Variants in TPPP observed in about 807,000 individuals in gnomAD.
The protein encoded by TPPP is tubulin polymerization-promoting protein.
TPPP carries 6 observed loss-of-function variants against 15.5 expected under a neutral mutation model. The observed-to-expected ratio is 0.39, with a 90% CI of 0.21 to 0.77. The LOEUF is 0.77. Ranked by LOEUF, TPPP falls within the 30% of genes least tolerant of loss-of-function variation. TPPP has a pLI of 0.42. For synonymous variants in TPPP, 146 were observed against 133.9 expected, an observed-to-expected ratio of 1.09 and a Z score of -0.63; for missense variants, 269 against 307.2, an observed-to-expected ratio of 0.88 and a Z score of 0.93.
intron 1 of TPPP, among the ~76,000 whole-genome samples, chr5:693,031 G>C (rs1306530794): frequency 6.7e-6 from 1 of 150,020 alleles, no homozygotes; most frequent in African/African-American, 2.4e-5. Flanking sequence ...CGCGGCCGAC[G>C]GTGACCCCCG....
the TPPP span, among the ~76,000 whole-genome samples, chr5:699,327 A>C: frequency 6.6e-6 from 1 of 152,070 alleles, no homozygotes; most frequent in Non-Finnish European, 1.5e-5. Context: ...ACTCAGAAAT[A>C]AAGACACAAA....
chr5:671,606 T>C (rs1247057343), intron 2 of TPPP, among the ~76,000 whole-genome samples: 1 of 152,150 alleles, frequency 6.6e-6, no homozygotes, highest in African/African-American at 2.4e-5. Flanking sequence ...TGGGGATTGC[T>C]GGTGCTGCCC....
Position 666,051 on chromosome 5 carries a change from G to A in TPPP, c.384C>T (p.Phe128=). The A allele has an allele frequency of 6.2e-7, 1 of 1,610,996 alleles. No homozygotes were observed. Among genetic ancestry groups the A allele is most frequent in the South Asian group, 1.1e-5 (1 of 91,044 alleles). The change falls in exon 3 of 4, where the codon TTC becomes TTT. Residue 128 remains phenylalanine, a synonymous_variant. Transcript: ENST00000360578. ...EALEELAKKR[F]KDKSSEEAVR... ...CGGCCTCCTCGCTGCTCTTGTCTTT[G>A]AATCGCTTCTTGGCGAGCTCCTCCA...
chr5:669,603 C>T (rs985129839), intron 2 of TPPP, among the ~76,000 whole-genome samples: 26 of 152,156 alleles, frequency 1.7e-4, no homozygotes, highest in Non-Finnish European at 3.2e-4. Flanking sequence ...TGCTGAGGCA[C>T]GCAGCCCTTT....
intron 2 of TPPP, chr5:676,736 G>C (rs1561088147): frequency 6.6e-6 from 1 of 152,276 alleles, no homozygotes; most frequent in Non-Finnish European, 1.5e-5. Flanking sequence ...CATTCATCCA[G>C]GAGAAAACAG....
intron 1 of TPPP, among the ~76,000 whole-genome samples, chr5:686,273 G>C (rs1432174593): frequency 6.6e-6 from 1 of 152,242 alleles, no homozygotes; most frequent in Non-Finnish European, 1.5e-5. Context: ...TCCATTAAAG[G>C]CACCTTCTGT....
At chr5:691,622 A>AC (rs1384641982) in intron 1 of TPPP, among the ~76,000 whole-genome samples, 7 of 14,018 alleles carry the variant, frequency 5.0e-4, no homozygotes, top group African/African-American at 2.5e-3. Flanking sequence ...CAGCCCCCAA[A>AC]CCCCATCAAA....
chr5:672,216 G>A (rs368251871), intron 2 of TPPP, among the ~76,000 whole-genome samples: 2 of 152,150 alleles, frequency 1.3e-5, no homozygotes, highest in African/African-American at 2.4e-5. Context: ...TGGCCGGGGG[G>A]GTGTACCAGG....
intron 1 of TPPP, among the ~76,000 whole-genome samples, chr5:685,059 T>G (rs1740731314): frequency 6.6e-6 from 1 of 151,882 alleles, no homozygotes; most frequent in South Asian, 2.1e-4. Flanking sequence ...TCCTGAGAGG[T>G]CACCATCCTG....
rs1184884844 is a variant in TPPP, at chr5:661,943, C to T, written c.*3159G>A. 1 of 152,390 alleles carries T rather than the reference C, an allele frequency of 6.6e-6. No individual in the cohort carries two copies. Among genetic ancestry groups the T allele is most frequent in the Non-Finnish European group, 1.5e-5 (1 of 68,080 alleles). The allele number at this position is 152,390 out of a possible 1,614,324, so 9.4% of individuals were successfully genotyped here. On this transcript the variant is annotated 3_prime_UTR_variant, in exon 4 of 4. Transcript: ENST00000360578. ...TGCCTCTAACTCGTGGGCACCAACCCTGGAAGTGTGGAGGGAGAGTGGGGG... is the reference window on the plus strand; with the variant it reads ...TGCCTCTAACTCGTGGGCACCAACCTTGGAAGTGTGGAGGGAGAGTGGGGG...
chr5:699,920 G>A, the TPPP span, among the ~76,000 whole-genome samples: 7 of 151,670 alleles, frequency 4.6e-5, no homozygotes, highest in Non-Finnish European at 7.4e-5. Flanking sequence ...AGTCAGAATG[G>A]CTATTATTAA....
At chr5:684,144 G>A (rs373293142) in intron 1 of TPPP, among the ~76,000 whole-genome samples, 10 of 152,308 alleles carry the variant, frequency 6.6e-5, no homozygotes, top group South Asian at 4.1e-4. Flanking sequence ...ATGTCCCACG[G>A]CCACAGTTTC....
chr5:682,322 T>C (rs576365560), intron 1 of TPPP, among the ~76,000 whole-genome samples: 10 of 128,140 alleles, frequency 7.8e-5, no homozygotes, highest in African/African-American at 3.4e-4. Context: ...TGTCAGTCAC[T>C]AGGGCCGGGG....
At position 664,020 on chromosome 5, in the gene TPPP, C is replaced by T. The variant is rs753395123; in HGVS notation, c.*1082G>A. ...GTGTCCTGGATGGGCTCTGCTCAGC[C>T]CCCTGCTGGCAGAGAAACCCCCACA... On this transcript the variant is annotated 3_prime_UTR_variant, in exon 4 of 4. Transcript: ENST00000360578. The T allele has an allele frequency of 1.3e-5, 2 of 152,438 alleles. No homozygotes were observed. The highest frequency in any genetic ancestry group is 2.9e-5 in the Non-Finnish European group (2 of 68,174). 9.4% of individuals were successfully genotyped at this position (152,438 alleles called of 1,614,324 possible).
chr5:671,529 G>A (rs56235536), intron 2 of TPPP, among the ~76,000 whole-genome samples: 7,625 of 152,310 alleles, frequency 0.05, 585 homozygotes, highest in African/African-American at 0.16. Context: ...GGGCAAAGTG[G>A]ACAGCCAAGG....
chr5:684,119 C>T (rs1264192509), intron 1 of TPPP, among the ~76,000 whole-genome samples: 1 of 152,238 alleles, frequency 6.6e-6, no homozygotes, highest in Non-Finnish European at 1.5e-5. Flanking sequence ...TCCTGAGGGC[C>T]TGATGGACCC....
At position 677,942 on chromosome 5, in the gene TPPP, T is replaced by A. The variant is rs1332176157; in HGVS notation, c.119A>T (p.Glu40Val). The change falls in exon 2 of 4, where the codon GAG becomes GTG. Residue 40 changes from glutamate (E) to valine (V), a missense_variant. Transcript: ENST00000360578. ...RLSLESEGAG[E>V]GAAASPELSA... is the part of the protein sequence containing the mutation. ...GAGCTCAGGGGATGCGGCTGCCCCC[T>A]CACCAGCACCCTCCGATTCCAGCGA... is the stretch of plus-strand genomic sequence containing the variant. 5 of 1,611,890 alleles carry A rather than the reference T, an allele frequency of 3.1e-6. No individual in the cohort carries two copies. Among genetic ancestry groups the A allele is most frequent in the Non-Finnish European group, 4.2e-6 (5 of 1,179,622 alleles).
intron 1 of TPPP, among the ~76,000 whole-genome samples, chr5:682,258 T>C (rs1740644521): frequency 6.9e-6 from 1 of 144,308 alleles, no homozygotes; most frequent in Non-Finnish European, 1.5e-5. Context: ...GCTCTGTCAC[T>C]AGGAACAGGG....
intron 2 of TPPP, among the ~76,000 whole-genome samples, chr5:670,932 G>A (rs908785279): frequency 3.3e-5 from 5 of 152,178 alleles, no homozygotes; most frequent in East Asian, 1.9e-4. Context: ...TCAGGAAACC[G>A]GAGCCCTTCC....
Sources: gnomAD v4.1 joint callset for allele counts (sites outside exome capture counted in the v4.1 genomes callset) on GRCh38, gnomAD v4.1.1 for gene constraint, MANE v1.5 for transcripts, NCBI Gene and HGNC (gene_info 2026-07-23, HGNC 2026-07-21) for gene names.